GPR149: variants seen among roughly 807,000 people sequenced by gnomAD.
GPR149 encodes G protein-coupled receptor 149.
In GPR149, 50 loss-of-function variants were observed where a neutral mutation model predicts 50.2. The observed-to-expected ratio is 1.00, with a 90% CI of 0.79 to 1.26. The LOEUF is 1.26. Among genes scored for constraint, GPR149 ranks in the 50% most tolerant of loss-of-function variants. The pLI, the probability that GPR149 is intolerant of heterozygous loss-of-function variation, is 0.00. For missense variants in GPR149, 983 were observed against 895.4 expected, an observed-to-expected ratio of 1.10 and a Z score of -1.25; for synonymous variants, 405 against 358.2, an observed-to-expected ratio of 1.13 and a Z score of -1.48.
chr3:154,342,289 T>G (rs1713816316), intron 3 of GPR149, among the ~76,000 whole-genome samples: 1 of 152,182 alleles, frequency 6.6e-6, no homozygotes, highest in Admixed American at 6.5e-5. Context: ...CTATGGAGAA[T>G]TCTTCTCAAC....
At position 154,428,757 on chromosome 3, in the gene GPR149, CTTCA is replaced by C; in HGVS notation, c.855_858del (p.Glu286ProfsTer18). On this transcript the variant is annotated frameshift_variant, in exon 1 of 4. Coordinates refer to ENST00000389740, the MANE Select transcript of GPR149 (RefSeq NM_001038705.3). LOFTEE classifies it high-confidence loss of function. The stretch of plus-strand genomic sequence containing the variant: ...GTCCCCCGGTTCTCACGCCTGCAGG[CTTCA>C]GCCCCAGCGGCAGCGGGCGCACCCG... 1 of 1,614,056 alleles carries C rather than the reference CTTCA, an allele frequency of 6.2e-7. No individual in the cohort carries two copies. The highest frequency in any genetic ancestry group is 8.5e-7 in the Non-Finnish European group (1 of 1,180,042).
At chr3:154,406,335 A>G (rs1426273839) in intron 3 of GPR149, among the ~76,000 whole-genome samples, 1 of 152,214 alleles carries the variant, frequency 6.6e-6, no homozygotes, top group East Asian at 1.9e-4. Flanking sequence ...AGAAACTGGT[A>G]TAACCTTCTA....
chr3:154,369,964 C>A (rs967094809), intron 3 of GPR149, among the ~76,000 whole-genome samples: 3 of 152,156 alleles, frequency 2.0e-5, no homozygotes, highest in Non-Finnish European at 4.4e-5. Context: ...CACTGTAGAC[C>A]CTTATTGGGA....
chr3:154,358,792 A>G (rs1250130311), intron 3 of GPR149, among the ~76,000 whole-genome samples: 3 of 152,208 alleles, frequency 2.0e-5, no homozygotes, highest in African/African-American at 7.2e-5. Flanking sequence ...AAGCTCGAAT[A>G]CAGGTAAGAG....
chr3:154,355,558 T>C (rs1303711327), intron 3 of GPR149, among the ~76,000 whole-genome samples: 1 of 152,242 alleles, frequency 6.6e-6, no homozygotes, highest in East Asian at 1.9e-4. Flanking sequence ...TCAGATATGA[T>C]ATGTATCCAA....
intron 3 of GPR149, among the ~76,000 whole-genome samples, chr3:154,361,241 C>T (rs1471963681): frequency 1.3e-5 from 2 of 152,120 alleles, no homozygotes; most frequent in East Asian, 1.9e-4. Flanking sequence ...ATACATAGAA[C>T]ATCACTCATA....
intron 3 of GPR149, among the ~76,000 whole-genome samples, chr3:154,371,438 T>C (rs1035355186): frequency 6.6e-6 from 1 of 152,150 alleles, no homozygotes; most frequent in Non-Finnish European, 1.5e-5. Flanking sequence ...GCCCTTATTG[T>C]CCCTTTTATT....
rs566741830 is a variant in GPR149, at chr3:154,381,380, C to G, written c.1623+39659G>C. ...CCTCATATACTTGCTTTTCTGATAA[C>G]TATACCTTATACATGTGGCAGTTCA... is the stretch of plus-strand genomic sequence containing the variant. On this transcript the variant is annotated intron_variant, in intron 3 of 3. Coordinates refer to ENST00000389740, the MANE Select transcript of GPR149 (RefSeq NM_001038705.3). Among the ~76,000 whole-genome samples the G allele has an allele frequency of 2.0e-5, 3 of 152,226 alleles. 1 individual carries two copies. The highest frequency in any genetic ancestry group is 7.2e-5 in the African/African-American group (3 of 41,546).
chr3:154,416,185 C>A (rs1024836229), intron 3 of GPR149, among the ~76,000 whole-genome samples: 1 of 151,896 alleles, frequency 6.6e-6, no homozygotes, highest in South Asian at 2.1e-4. Context: ...CAGCCTTATA[C>A]TTTATGGGTC....
chr3:154,428,809 C>T lies in GPR149; in HGVS notation c.807G>A (p.Pro269=). The part of the protein sequence containing the change: ...PSLRRSGGCS[P]SSDTVFGPGA... ...CCGGTCCGAACACGGTGTCGGAGCT[C>T]GGAGAGCATCCCCCAGAGCGCCGCA... Residue 269 remains proline (P), a synonymous_variant, in exon 1 of 4, where the codon CCG becomes CCA. Transcript: ENST00000389740. 1 of 1,613,778 alleles carries T rather than the reference C, an allele frequency of 6.2e-7. No individual in the cohort carries two copies. The highest frequency in any genetic ancestry group is 1.3e-5 in the African/African-American group (1 of 75,024).
chr3:154,370,228 A>G (rs139376554), intron 3 of GPR149, among the ~76,000 whole-genome samples: 1 of 152,326 alleles, frequency 6.6e-6, no homozygotes, highest in African/African-American at 2.4e-5. Flanking sequence ...AGTGTCTGGC[A>G]TAGTCTGCTT....
chr3:154,407,552 T>C (rs1366587716), intron 3 of GPR149, among the ~76,000 whole-genome samples: 1 of 152,132 alleles, frequency 6.6e-6, no homozygotes, highest in East Asian at 1.9e-4. Flanking sequence ...TTGAATGAAC[T>C]CTGTAGTAGT....
In GPR149 at chr3:154,421,236, T is replaced by C. The variant is rs1576931064; in HGVS notation, c.1426A>G (p.Thr476Ala). 1.2e-6 allele frequency: 2 copies of C among 1,613,554 alleles called. No individual in the cohort carries two copies. Among genetic ancestry groups the C allele is most frequent in the East Asian group, 2.2e-5 (1 of 44,866 alleles). ...TCCTGTTTAGCTTCTGTAATATCAG[T>C]ATTTGTGCATTTGTTGATGCCTCTT... ...TQRGINKCTN[T>A]DITEAKQDSN... The change falls in exon 3 of 4, where the codon ACT becomes GCT. Residue 476 changes from threonine (T) to alanine (A), a missense_variant. Physicochemically the swap from Thr to Ala is moderately conservative, Grantham distance 58. Transcript: ENST00000389740.
intron 3 of GPR149, among the ~76,000 whole-genome samples, chr3:154,408,203 T>A (rs1711746793): frequency 6.6e-6 from 1 of 152,162 alleles, no homozygotes; most frequent in Non-Finnish European, 1.5e-5. Context: ...AGATGGCAGA[T>A]AGGAGGCAGG....
At chr3:154,369,965 C>T (rs547373135) in intron 3 of GPR149, among the ~76,000 whole-genome samples, 1 of 152,270 alleles carries the variant, frequency 6.6e-6, no homozygotes, top group African/African-American at 2.4e-5. Flanking sequence ...ACTGTAGACC[C>T]TTATTGGGAT....
intron 3 of GPR149, among the ~76,000 whole-genome samples, chr3:154,347,194 G>A (rs1274896111): frequency 1.3e-5 from 2 of 152,178 alleles, no homozygotes; most frequent in Admixed American, 1.3e-4. Context: ...CATTTTACAT[G>A]TTGTATTAGC....
At position 154,421,402 on chromosome 3, in the gene GPR149, A is replaced by G; in HGVS notation, c.1260T>C (p.Asp420=). 3.7e-6 allele frequency: 6 copies of G among 1,611,602 alleles called. No individual in the cohort carries two copies. The highest frequency in any genetic ancestry group is 5.1e-6 in the Non-Finnish European group (6 of 1,178,260). The change falls in exon 3 of 4, where the codon GAT becomes GAC. Residue 420 remains aspartate (D), a synonymous_variant. Transcript: ENST00000389740. ...TGTGATAGAATATGGAATTTTCATC[A>G]TCATCATAGTAATCTTCATGTGCTA... The part of the protein sequence containing the change: ...YKIAHEDYYD[D]DENSIFYHNL...
At chr3:154,402,415 C>CTAAATAAAT in intron 3 of GPR149, among the ~76,000 whole-genome samples, 1 of 140,894 alleles carries the variant, frequency 7.1e-6, no homozygotes, top group Admixed American at 7.2e-5. Flanking sequence ...GACCCTGTCT[C>CTAAATAAAT]AAATAAATAA....
chr3:154,425,913 T>A (rs556829295), intron 2 of GPR149, among the ~76,000 whole-genome samples: 1 of 152,238 alleles, frequency 6.6e-6, no homozygotes, highest in South Asian at 2.1e-4. Context: ...TGGTCCCCAC[T>A]TCTTAAAAAT....
Sources: gnomAD v4.1 joint callset for allele counts (sites outside exome capture counted in the v4.1 genomes callset) on GRCh38, gnomAD v4.1.1 for gene constraint, MANE v1.5 for transcripts, NCBI Gene and HGNC (gene_info 2026-07-23, HGNC 2026-07-21) for gene names.